FAT2: variants seen among roughly 807,000 people sequenced by gnomAD.
FAT2 encodes the protein protocadherin Fat 2.
In FAT2, 150 loss-of-function variants were observed where a neutral mutation model predicts 295.3. The ratio of observed to expected loss-of-function variants is 0.51; its 90% CI spans 0.44 to 0.58. The LOEUF (loss-of-function observed/expected upper bound fraction) is 0.58. FAT2 is among the 20% of genes least tolerant of loss of function. FAT2 has a pLI of 0.00. For missense variants in FAT2, 4,868 were observed against 5,442.7 expected (o/e 0.89, Z 3.32); for synonymous variants, 2,026 against 2,150.3 (o/e 0.94, Z 1.60).
intron 21 of FAT2, 82 bp from the exon 22 acceptor site, chr5:151,510,256 G>T: frequency 1.4e-6 from 2 of 1,464,602 alleles, no homozygotes; most frequent in Non-Finnish European, 1.9e-6. Context: ...TGGTGTGTTT[G>T]TGCAGCCGTT....
rs769253104 is a variant in FAT2 at position 151,543,300 on chromosome 5, G to T, written c.7827C>A (p.Ala2609=). Residue 2609 remains alanine (A), a synonymous_variant, in exon 10 of 24, where the codon GCC becomes GCA. Transcript: ENST00000261800. ...CGTTCTGACCTTCATCTGCATCATA[G>T]GCCAACACCTGGATAACCGGAGAGT... ...SKDSPVIQVL[A]YDADEGQNAD... 1 of 1,614,172 alleles carries T rather than the reference G, an allele frequency of 6.2e-7. No homozygotes were observed. Among genetic ancestry groups the T allele is most frequent in the South Asian group, 1.1e-5 (1 of 91,084 alleles).
chr5:151,575,891 G>A (rs80055355), intron 1 of FAT2, among the ~76,000 whole-genome samples: 9 of 152,284 alleles, frequency 5.9e-5, no homozygotes, highest in East Asian at 5.8e-4. Context: ...CTTGAAATGC[G>A]GCTAGTACAA....
In FAT2 at chr5:151,551,968, A is replaced by T. The variant is rs370676206; in HGVS notation, c.4157-362T>A. On this transcript the variant is annotated intron_variant, in intron 6 of 23. Transcript: ENST00000261800. ...TATTATAAAACAATACTTTAATATA[A>T]CCCTAAGGGTGTGTGTGTGTGTGTG... Among the ~76,000 whole-genome samples, 351 of 139,514 alleles carry T rather than the reference A, an allele frequency of 2.5e-3. 2 individuals carry two copies. Among genetic ancestry groups the T allele is most frequent in the African/African-American group, 8.9e-3 (325 of 36,454 alleles). 91.5% of individuals were successfully genotyped at this position (139,514 alleles called of 152,430 possible). A position where few individuals can be genotyped will look rare whatever the true frequency, so the allele number is the denominator to read the frequency against.
chr5:151,530,358 T>C (rs1754457809), intron 14 of FAT2, among the ~76,000 whole-genome samples: 1 of 152,104 alleles, frequency 6.6e-6, no homozygotes, highest in Non-Finnish European at 1.5e-5. Context: ...CAACTAAACC[T>C]GATCAAGGCC....
At position 151,543,442 on chromosome 5, in the gene FAT2, C is replaced by G. The variant is rs367876674; in HGVS notation, c.7685G>C (p.Gly2562Ala). The G allele has an allele frequency of 4.3e-6, 7 of 1,614,144 alleles. 1 individual carries two copies. In the Admixed American group the frequency reaches 1.0e-4, roughly 23 times the overall value. The change falls in exon 10 of 24, where the codon GGA becomes GCA. Residue 2562 changes from glycine (G) to alanine (A), a missense_variant. Physicochemically the swap from Gly to Ala is moderately conservative, Grantham distance 60 (BLOSUM62 0). Coordinates refer to ENST00000261800, the MANE Select transcript of FAT2 (RefSeq NM_001447.3). ...VIAIKVMARD[G>A]GGRVAFCTVK... ...CGTGCAGAAGGCTACTCTTCCTCCT[C>G]CATCCCGAGCCATGACCTTAATAGC...
Position 151,512,532 on chromosome 5 carries a change from A to G in FAT2, c.11538T>C (p.His3846=), listed in dbSNP as rs1395554252. The G allele has an allele frequency of 1.9e-6, 3 of 1,614,032 alleles. No homozygotes were observed. Among genetic ancestry groups the G allele is most frequent in the South Asian group, 2.2e-5 (2 of 91,078 alleles). Residue 3846 remains histidine, a synonymous_variant, in exon 21 of 24, where the codon CAT becomes CAC. Coordinates refer to ENST00000261800, the MANE Select transcript of FAT2 (RefSeq NM_001447.3). The surrounding 1 kb of genome is among the most constrained non-coding windows in gnomAD (Gnocchi z 4.1). The stretch of plus-strand genomic sequence containing the variant: ...TGGAGTGCCACTCGTGGTCATTCAC[A>G]TGGCGCTGGGAGGAAAGGTTTCCAT... ...GFYGNLSSQR[H]VNDHEWHSIL...
intron 1 of FAT2, among the ~76,000 whole-genome samples, chr5:151,582,771 C>T (rs1464114153): frequency 6.6e-6 from 1 of 152,176 alleles, no homozygotes; most frequent in Admixed American, 6.5e-5. Context: ...ATCGCAACCT[C>T]TTCCTCAAAA....
Position 151,548,328 on chromosome 5 carries a change from T to C in FAT2, c.4789+967A>G, listed in dbSNP as rs557212967. Among the ~76,000 whole-genome samples, 10 of 151,808 alleles carry C rather than the reference T, an allele frequency of 6.6e-5. No homozygotes were observed. The East Asian group carries it at 1.9e-3, about 29-fold the overall frequency. On this transcript the variant is annotated intron_variant, in intron 9 of 23. Coordinates refer to ENST00000261800, the MANE Select transcript of FAT2 (RefSeq NM_001447.3). ...AATTATTACTATTAAATATCATTAA[T>C]TATGTATTATAATTATTACAAATTA...
Position 151,544,222 on chromosome 5 carries a change from C to T in FAT2, c.6905G>A (p.Gly2302Glu). The part of the protein sequence containing the change: ...IQLLASDQDS[G>E]RNRDVSYQIV... Reference sequence around the variant, plus strand: ...CTGATAAGAGACGTCACGGTTCCGCCCTGAGTCCTGGTCAGAAGCCAACAG... The same window carrying T: ...CTGATAAGAGACGTCACGGTTCCGCTCTGAGTCCTGGTCAGAAGCCAACAG... The change falls in exon 10 of 24, where the codon GGG (glycine) becomes GAG (glutamate). Residue 2302 changes from glycine (G) to glutamate (E), a missense_variant. This residue lies in a region of FAT2 where 3,297 missense variants were observed against 3,669.4 expected (regional missense o/e 0.90). Transcript: ENST00000261800. 1 of 1,614,164 alleles carries T rather than the reference C, an allele frequency of 6.2e-7. No homozygotes were observed. The highest frequency in any genetic ancestry group is 8.5e-7 in the Non-Finnish European group (1 of 1,180,020).
chr5:151,556,481 A>T (rs1757703827), intron 3 of FAT2, 79 bp from the exon 4 acceptor site: 3 of 898,738 alleles, frequency 3.3e-6, no homozygotes. Context: ...CAAGAATTAC[A>T]TTCAAATCTC....
intron 21 of FAT2, chr5:151,511,642 ATT>A (rs1468737156): frequency 6.2e-6 from 1 of 160,014 alleles, no homozygotes; most frequent in East Asian, 1.8e-4. Flanking sequence ...GTTAGAAGCA[ATT>A]AATGAGAATT....
intron 19 of FAT2, among the ~76,000 whole-genome samples, chr5:151,520,608 ACT>A (rs1753350915): frequency 6.6e-6 from 1 of 151,996 alleles, no homozygotes; most frequent in Non-Finnish European, 1.5e-5. Context: ...TGCTTTTATA[ACT>A]CTTACGTAAT....
chr5:151,528,032 C>T lies in FAT2; in HGVS notation c.10128G>A (p.Gly3376=). The stretch of plus-strand genomic sequence containing the variant: ...CCAGGGCCTTGGCCACCTGTAGCTC[C>T]CCCTTTTTGGGGTGAATGGTGAAGT... ...LGHFTIHPKK[G]ELQVAKALDR... The change falls in exon 16 of 24, where the codon GGG becomes GGA. Residue 3376 remains glycine (G), a synonymous_variant. Transcript: ENST00000261800. 3 of 1,614,224 alleles carry T rather than the reference C, an allele frequency of 1.9e-6. No individual in the cohort carries two copies. The highest frequency in any genetic ancestry group is 2.5e-6 in the Non-Finnish European group (3 of 1,180,038).
At position 151,505,936 on chromosome 5, in the gene FAT2, G is replaced by A; in HGVS notation, c.12679C>T (p.Pro4227Ser). ...PEPNGLYGGF[P>S]FPLEMENKRA... ...TTGTTTTCCATCTCCAGGGGGAAGG[G>A]GAAGCCCCCATAGAGGCCATTAGGC... Residue 4227 changes from proline to serine, a missense_variant, in exon 24 of 24, where the codon CCC becomes TCC. By Grantham distance (74) the Pro-to-Ser change is moderately conservative (BLOSUM62 -1). Transcript: ENST00000261800. 6.3e-7 allele frequency: 1 copy of A among 1,584,266 alleles called. No homozygotes were observed. The highest frequency in any genetic ancestry group is 8.6e-7 in the Non-Finnish European group (1 of 1,167,702).
intron 13 of FAT2, among the ~76,000 whole-genome samples, chr5:151,533,393 A>AACAC (rs36215342): frequency 0.053 from 7,025 of 132,066 alleles, 312 homozygotes; most frequent in East Asian, 0.22. Flanking sequence ...TGTTATCTCC[A>AACAC]ACACACACAC....
At chr5:151,565,476 T>TACAC (rs1758210200) in intron 2 of FAT2, among the ~76,000 whole-genome samples, 197 bp downstream of exon 2, 1 of 152,104 alleles carries the variant, frequency 6.6e-6, no homozygotes, top group African/African-American at 2.4e-5. Context: ...TGTATGTGTA[T>TACAC]ATGCACATAT....
chr5:151,549,520 G>A lies in FAT2; in HGVS notation c.4579-15C>T, dbSNP rs367815243. ...TGGTCTCGGACCTATGGGCCCAAAG[G>A]GGGTAATTGGGTAAGCAGCAAATGG... On this transcript the variant is annotated splice_polypyrimidine_tract_variant and intron_variant, in intron 8 of 23. Coordinates refer to ENST00000261800, the MANE Select transcript of FAT2 (RefSeq NM_001447.3). 1.2e-4 allele frequency: 193 copies of A among 1,611,490 alleles called. No homozygotes were observed. The highest frequency in any genetic ancestry group is 6.6e-4 in the Middle Eastern group (4 of 6,028).
chr5:151,525,150 C>G (rs1330324512), intron 18 of FAT2, among the ~76,000 whole-genome samples: 7 of 152,112 alleles, frequency 4.6e-5, no homozygotes. Flanking sequence ...TACATCATTC[C>G]CAGCCCATAA....
intron 12 of FAT2, 66 bp downstream of exon 12, chr5:151,537,727 T>G (rs1021689380): frequency 2.0e-6 from 3 of 1,464,228 alleles, no homozygotes; most frequent in Non-Finnish European, 2.8e-6. Flanking sequence ...GAGAATACCA[T>G]GGCACTGGGC....
Sources: gnomAD v4.1 joint callset for allele counts (sites outside exome capture counted in the v4.1 genomes callset) on GRCh38, gnomAD v4.1.1 for gene constraint, gnomAD v4.1.1 regional missense constraint, Gnocchi (gnomAD v3.1) non-coding constraint, MANE v1.5 for transcripts, NCBI Gene and HGNC (gene_info 2026-07-23, HGNC 2026-07-21) for gene names.